Variants in ZNF184 observed in about 807,000 individuals in gnomAD.
ZNF184 encodes the protein zinc finger protein 184 (Kruppel-like).
ZNF184 carries 16 observed loss-of-function variants against 54.4 expected under a neutral mutation model. That is an observed-to-expected ratio of 0.29 (90% CI 0.20 to 0.45). The LOEUF (loss-of-function observed/expected upper bound fraction) is 0.45. Ranked by LOEUF, ZNF184 falls within the 20% of genes least tolerant of loss-of-function variation. ZNF184 has a pLI of 1.00. For synonymous variants in ZNF184, 254 were observed against 295.3 expected, an observed-to-expected ratio of 0.86 and a Z score of 1.43; for missense variants, 681 against 888.2, an observed-to-expected ratio of 0.77 and a Z score of 2.97.
chr6:27,437,131 G>A, the ZNF184 span, among the ~76,000 whole-genome samples: 5 of 152,132 alleles, frequency 3.3e-5, no homozygotes, highest in Admixed American at 1.3e-4. Context: ...GGACCCTTCC[G>A]TTTCTAGTAT....
chr6:27,422,148 A>AAAAGAAAGAAAGAAGAAAG, the ZNF184 span, among the ~76,000 whole-genome samples: 1 of 43,456 alleles, frequency 2.3e-5, no homozygotes, highest in African/African-American at 8.5e-5. Flanking sequence ...CTCAAAAAAA[A>AAAAGAAAGAAAGAAGAAAG]AAAGAAAGAA....
chr6:27,464,174 A>T (rs1392948177), intron 3 of ZNF184, among the ~76,000 whole-genome samples: 1 of 152,246 alleles, frequency 6.6e-6, no homozygotes, highest in Non-Finnish European at 1.5e-5. Flanking sequence ...CTACTGATTT[A>T]TAAAAATGAA....
chr6:27,445,043 C>T, the ZNF184 span, among the ~76,000 whole-genome samples: 1 of 152,168 alleles, frequency 6.6e-6, no homozygotes, highest in African/African-American at 2.4e-5. Flanking sequence ...AAACATTTGT[C>T]AATGTCAACT....
At position 27,473,020 on chromosome 6, in the gene ZNF184, C is replaced by G. The variant is rs1763321149; in HGVS notation, c.-431G>C. ...CGATCCACACACTCTGATCCCGGGT[C>G]CGGAAGCGCATTGACCGCCACCAGA... On this transcript the variant is annotated 5_prime_UTR_variant, in exon 1 of 6. Transcript: ENST00000683788. The G allele has an allele frequency of 6.6e-6, 1 of 152,424 alleles. No homozygotes were observed. The highest frequency in any genetic ancestry group is 2.4e-5 in the African/African-American group (1 of 41,458). The allele number at this position is 152,424 out of a possible 1,614,324, so 9.4% of individuals were successfully genotyped here.
the ZNF184 span, among the ~76,000 whole-genome samples, chr6:27,430,363 T>C: frequency 8.4e-6 from 1 of 119,084 alleles, no homozygotes; most frequent in Non-Finnish European, 1.7e-5. Flanking sequence ...CGGGTCTGCT[T>C]ACACTAACCC....
the ZNF184 span, among the ~76,000 whole-genome samples, chr6:27,437,499 G>C: frequency 6.6e-6 from 1 of 152,154 alleles, no homozygotes; most frequent in South Asian, 2.1e-4. Context: ...AGATCCTTTA[G>C]ATGAGAATGC....
the ZNF184 span, among the ~76,000 whole-genome samples, chr6:27,414,601 C>T: frequency 2.6e-5 from 4 of 151,922 alleles, no homozygotes; most frequent in Non-Finnish European, 4.4e-5. Context: ...CTCAGATATC[C>T]AGATGGCTCT....
chr6:27,436,439 C>T, the ZNF184 span, among the ~76,000 whole-genome samples: 5 of 152,222 alleles, frequency 3.3e-5, no homozygotes, highest in East Asian at 7.7e-4. Flanking sequence ...GCTGGGATTA[C>T]AGGCATGAGC....
rs190046672 is a variant in ZNF184, at chr6:27,471,358, G to A, written c.7+930C>T. Among the ~76,000 whole-genome samples, 22 of 152,274 alleles carry A rather than the reference G, an allele frequency of 1.4e-4. No individual in the cohort carries two copies. The East Asian group carries it at 1.9e-3, about 13-fold the overall frequency. On this transcript the variant is annotated intron_variant, in intron 2 of 5. Transcript: ENST00000683788. ...CATAAATGTAAGTCATGACATTAAG[G>A]ATAATAATAATTCCATTACACAAAA...
chr6:27,415,546 A>G, the ZNF184 span, among the ~76,000 whole-genome samples: 1 of 152,124 alleles, frequency 6.6e-6, no homozygotes, highest in African/African-American at 2.4e-5. Flanking sequence ...TGGATGCAAT[A>G]AGGAATTAAA....
At chr6:27,442,697 G>A in the ZNF184 span, among the ~76,000 whole-genome samples, 1 of 129,060 alleles carries the variant, frequency 7.7e-6, no homozygotes, top group African/African-American at 2.9e-5. Flanking sequence ...AAGAGAGAGA[G>A]AAACAGAGAG....
At chr6:27,434,877 A>G in the ZNF184 span, among the ~76,000 whole-genome samples, 3 of 152,306 alleles carry the variant, frequency 2.0e-5, no homozygotes, top group African/African-American at 7.2e-5. Flanking sequence ...GCATATGAAC[A>G]TGCAGTTTTC....
chr6:27,432,160 A>C, the ZNF184 span, among the ~76,000 whole-genome samples: 1 of 152,106 alleles, frequency 6.6e-6, no homozygotes, highest in African/African-American at 2.4e-5. The surrounding 1 kb of genome is among the most constrained non-coding windows in gnomAD (Gnocchi z 4.0). Flanking sequence ...AGCTGTCCAG[A>C]TGTGGTACAG....
the ZNF184 span, among the ~76,000 whole-genome samples, chr6:27,430,336 C>T: frequency 7.3e-6 from 1 of 136,522 alleles, no homozygotes; most frequent in Non-Finnish European, 1.6e-5. Context: ...TGGTATTATT[C>T]CCCACCCACC....
chr6:27,465,682 A>G (rs1686927621), intron 3 of ZNF184, among the ~76,000 whole-genome samples: 1 of 152,136 alleles, frequency 6.6e-6, no homozygotes, highest in Non-Finnish European at 1.5e-5. Context: ...GAGTCAACTG[A>G]TTAAGAGAAC....
At chr6:27,446,393 C>T (rs1762637018), downstream of ZNF184, among the ~76,000 whole-genome samples, 2 of 152,178 alleles carry the variant, frequency 1.3e-5, no homozygotes, top group African/African-American at 4.8e-5. Context: ...ATGGCTTGAT[C>T]CAGAAAATGC....
chr6:27,462,600 C>T (rs953938302), intron 3 of ZNF184, among the ~76,000 whole-genome samples: 34 of 151,512 alleles, frequency 2.2e-4, no homozygotes, highest in African/African-American at 7.7e-4. Flanking sequence ...CACAGTGGCT[C>T]ACACCTGTAA....
chr6:27,445,852 A>G (rs1762630829), downstream of ZNF184, among the ~76,000 whole-genome samples: 1 of 152,108 alleles, frequency 6.6e-6, no homozygotes, highest in Non-Finnish European at 1.5e-5. Context: ...AACTTGGGGG[A>G]TTGTGTCTGC....
the ZNF184 span, among the ~76,000 whole-genome samples, chr6:27,436,933 T>C: frequency 6.6e-6 from 1 of 152,196 alleles, no homozygotes; most frequent in Non-Finnish European, 1.5e-5. Flanking sequence ...AAATTCTCCC[T>C]AAGGAATCTC....
Sources: allele counts gnomAD v4.1 joint callset (sites outside exome capture counted in the v4.1 genomes callset), GRCh38; gene constraint gnomAD v4.1.1; non-coding constraint Gnocchi (gnomAD v3.1); transcripts MANE v1.5; gene names NCBI Gene and HGNC (gene_info 2026-07-23, HGNC 2026-07-21).